SLIT3: variants seen among roughly 807,000 people sequenced by gnomAD.
SLIT3 encodes slit homolog 3 protein.
In SLIT3, 68 loss-of-function variants were observed where a neutral mutation model predicts 184.0. The ratio of observed to expected loss-of-function variants is 0.37; its 90% CI spans 0.30 to 0.45. SLIT3 has a LOEUF of 0.45. Ranked by LOEUF, SLIT3 falls within the 20% of genes least tolerant of loss-of-function variation. SLIT3 has a pLI of 1.00. For missense variants in SLIT3, 1,707 were observed against 2,026.0 expected, an observed-to-expected ratio of 0.84 and a Z score of 3.02; for synonymous variants, 831 against 828.6, an observed-to-expected ratio of 1.00 and a Z score of -0.05.
chr5:169,189,911 T>A (rs907769483), intron 4 of SLIT3, among the ~76,000 whole-genome samples: 7 of 152,152 alleles, frequency 4.6e-5, no homozygotes, highest in Admixed American at 1.3e-4. Context: ...CGCTATTATC[T>A]ATCTAAAAGT....
chr5:169,209,277 G>A (rs1764174290), intron 3 of SLIT3, among the ~76,000 whole-genome samples: 1 of 152,138 alleles, frequency 6.6e-6, no homozygotes, highest in African/African-American at 2.4e-5. Context: ...ACTTAGAATG[G>A]CGATCACTAA....
At chr5:168,912,140 C>A (rs1393632057) in intron 4 of SLIT3, among the ~76,000 whole-genome samples, 1 of 152,126 alleles carries the variant, frequency 6.6e-6, no homozygotes, top group African/African-American at 2.4e-5. Context: ...TCCATTTAAC[C>A]AACGGTAAAT....
intron 4 of SLIT3, among the ~76,000 whole-genome samples, chr5:168,991,476 G>A (rs1755326016): frequency 6.6e-6 from 1 of 152,220 alleles, no homozygotes; most frequent in African/African-American, 2.4e-5. Context: ...GTGGGCCACA[G>A]CCCTCTAGAA....
At chr5:168,855,084 C>T (rs1160130154) in intron 5 of SLIT3, among the ~76,000 whole-genome samples, 1 of 152,222 alleles carries the variant, frequency 6.6e-6, no homozygotes, top group East Asian at 1.9e-4. Flanking sequence ...CGGGTACAGT[C>T]TCTGTTTTAC....
At chr5:169,196,908 C>G (rs922699443) in intron 3 of SLIT3, among the ~76,000 whole-genome samples, 2 of 152,190 alleles carry the variant, frequency 1.3e-5, no homozygotes, top group African/African-American at 4.8e-5. Flanking sequence ...CTATGTGGGT[C>G]TGTCTGGAAC....
At chr5:169,203,514 T>A (rs923049187) in intron 3 of SLIT3, among the ~76,000 whole-genome samples, 1 of 152,186 alleles carries the variant, frequency 6.6e-6, no homozygotes, top group Non-Finnish European at 1.5e-5. Flanking sequence ...CTCTTCCCCA[T>A]GACATCTCAC....
intron 3 of SLIT3, among the ~76,000 whole-genome samples, chr5:169,229,959 A>AC (rs1377476265): frequency 6.6e-6 from 1 of 152,044 alleles, no homozygotes; most frequent in African/African-American, 2.4e-5. Context: ...CCCGCAAATG[A>AC]CCCTGAGACG....
Position 169,146,409 on chromosome 5 carries a change from C to T in SLIT3, c.413+47070G>A, listed in dbSNP as rs570368846. 1.1e-3 allele frequency among the ~76,000 whole-genome samples: 172 copies of T among 152,320 alleles called. 1 individual carries two copies. Among genetic ancestry groups the T allele is most frequent in the African/African-American group, 3.9e-3 (163 of 41,576 alleles). On this transcript the variant is annotated intron_variant, in intron 4 of 35. Coordinates refer to ENST00000519560, the MANE Select transcript of SLIT3 (RefSeq NM_003062.4). ...CAAACGAGGGAATCTACTGCCCTGA[C>T]GGAGCCTGATGCCTCCCGGGATTCC...
chr5:169,169,364 C>T (rs889610988), intron 4 of SLIT3, among the ~76,000 whole-genome samples: 8 of 152,206 alleles, frequency 5.3e-5, no homozygotes, highest in Non-Finnish European at 1.2e-4. Context: ...CTCTCAAAGG[C>T]TGCTTCCAGA....
Position 168,696,334 on chromosome 5 carries a change from C to A in SLIT3, c.3040G>T (p.Gly1014Trp). 1 of 1,614,156 alleles carries A rather than the reference C, an allele frequency of 6.2e-7. No homozygotes were observed. Among genetic ancestry groups the A allele is most frequent in the Non-Finnish European group, 8.5e-7 (1 of 1,180,032 alleles). Residue 1014 changes from glycine to tryptophan, a missense_variant, in exon 28 of 36, where the codon GGG (glycine) becomes TGG (tryptophan). Gly to Trp is a radical substitution (Grantham distance 184). Around this residue, in one of 3 missense-constraint regions of SLIT3, gnomAD observed 1,307 missense variants for 1,511.6 expected, o/e 0.86. Transcript: ENST00000519560. Reference sequence around the variant, plus strand: ...CAGATACACACGTAGTTGTTGATCCCGTCCACGCAGGTGGCATTGTTTTCG... The same window carrying A: ...CAGATACACACGTAGTTGTTGATCCAGTCCACGCAGGTGGCATTGTTTTCG... ...DCENNATCVD[G>W]INNYVCICPP... is the part of the protein sequence containing the mutation.
At chr5:168,770,413 C>G (rs768358743) in intron 14 of SLIT3, among the ~76,000 whole-genome samples, 1 of 152,200 alleles carries the variant, frequency 6.6e-6, no homozygotes, top group Non-Finnish European at 1.5e-5. Flanking sequence ...TCTGTGTCAC[C>G]TGCCCCCCTT....
intron 4 of SLIT3, among the ~76,000 whole-genome samples, chr5:168,981,063 G>T (rs150170844): frequency 2.2e-4 from 33 of 152,206 alleles, no homozygotes; most frequent in African/African-American, 7.5e-4. Context: ...TTCCCAAAAA[G>T]ATATTTTTTT....
At chr5:169,238,867 G>A (rs184509027) in intron 3 of SLIT3, among the ~76,000 whole-genome samples, 2 of 152,222 alleles carry the variant, frequency 1.3e-5, no homozygotes, top group African/African-American at 4.8e-5. Context: ...AATTGGATCT[G>A]ATAGAACTCT....
At chr5:169,221,749 C>A (rs1008048188) in intron 3 of SLIT3, among the ~76,000 whole-genome samples, 3 of 152,342 alleles carry the variant, frequency 2.0e-5, no homozygotes. Context: ...CCTTTCATCA[C>A]GTCTTGGTAT....
At chr5:169,071,190 G>C (rs527497096) in intron 4 of SLIT3, among the ~76,000 whole-genome samples, 1 of 152,182 alleles carries the variant, frequency 6.6e-6, no homozygotes, top group East Asian at 1.9e-4. Flanking sequence ...GGGTTATCAC[G>C]ATCAAAACAC....
intron 4 of SLIT3, among the ~76,000 whole-genome samples, chr5:168,969,196 A>T (rs1301430305): frequency 6.6e-6 from 1 of 152,192 alleles, no homozygotes; most frequent in South Asian, 2.1e-4. Context: ...TGTTTGGTTT[A>T]TCTTACCCCA....
intron 4 of SLIT3, among the ~76,000 whole-genome samples, chr5:168,913,121 G>T (rs527710245): frequency 6.6e-6 from 1 of 152,098 alleles, no homozygotes; most frequent in Non-Finnish European, 1.5e-5. Context: ...ACTGCCCATC[G>T]CACCTGGCTA....
intron 4 of SLIT3, among the ~76,000 whole-genome samples, chr5:168,968,526 C>T (rs930501047): frequency 6.6e-6 from 1 of 152,176 alleles, no homozygotes; most frequent in South Asian, 2.1e-4. Flanking sequence ...AGGGAATCCT[C>T]CTATGAACTT....
intron 1 of SLIT3, among the ~76,000 whole-genome samples, chr5:169,253,790 C>T (rs1216449536): frequency 5.9e-5 from 9 of 152,202 alleles, no homozygotes; most frequent in Admixed American, 1.3e-4. Flanking sequence ...GTCCCCAAGA[C>T]ACTCCTTGTT....
Sources: gnomAD v4.1 joint callset for allele counts (sites outside exome capture counted in the v4.1 genomes callset) on GRCh38, gnomAD v4.1.1 for gene constraint, gnomAD v4.1.1 regional missense constraint, MANE v1.5 for transcripts, NCBI Gene and HGNC (gene_info 2026-07-23, HGNC 2026-07-21) for gene names.